The following MAGI1 variants were observed in gnomAD, a reference collection of about 807,000 sequenced individuals.
MAGI1 encodes membrane-associated guanylate kinase, WW and PDZ domain-containing protein 1.
A neutral mutation model predicts 139.9 loss-of-function variants in MAGI1; 58 were observed. The ratio of observed to expected loss-of-function variants is 0.41; its 90% CI spans 0.34 to 0.52. The LOEUF (loss-of-function observed/expected upper bound fraction) is 0.52. MAGI1 is among the 20% of genes least tolerant of loss of function. MAGI1 has a pLI of 0.12. For missense variants in MAGI1, 1,874 were observed against 1,901.6 expected, an observed-to-expected ratio of 0.99 and a Z score of 0.27; for synonymous variants, 812 against 737.9, an observed-to-expected ratio of 1.10 and a Z score of -1.63.
At chr3:65,696,761 G>A (rs113615950) in intron 1 of MAGI1, among the ~76,000 whole-genome samples, 24 of 152,164 alleles carry the variant, frequency 1.6e-4, no homozygotes, top group Admixed American at 2.6e-4. Context: ...AAAGAAACAA[G>A]AATAGGGGAA....
At chr3:65,645,381 G>A (rs1053425969) in intron 1 of MAGI1, among the ~76,000 whole-genome samples, 2 of 152,060 alleles carry the variant, frequency 1.3e-5, no homozygotes, top group Non-Finnish European at 2.9e-5. Flanking sequence ...TAATAGAAAA[G>A]GGTACAACAT....
At chr3:65,640,101 C>G (rs895760412) in intron 1 of MAGI1, among the ~76,000 whole-genome samples, 1 of 152,068 alleles carries the variant, frequency 6.6e-6, no homozygotes, top group African/African-American at 2.4e-5. Context: ...GGTCCACCAG[C>G]CTTCAAACTG....
chr3:65,580,462 A>G (rs1172934818), intron 2 of MAGI1, among the ~76,000 whole-genome samples: 1 of 152,184 alleles, frequency 6.6e-6, no homozygotes, highest in Non-Finnish European at 1.5e-5. Flanking sequence ...AAAGTCAAAC[A>G]CCAAAAGTTC....
intron 1 of MAGI1, among the ~76,000 whole-genome samples, chr3:65,791,082 C>T (rs904746456): frequency 1.3e-5 from 2 of 152,068 alleles, no homozygotes; most frequent in South Asian, 2.1e-4. Flanking sequence ...AAAAAAAAAC[C>T]TTAAAATAAA....
chr3:65,978,302 A>T (rs2065366429), intron 1 of MAGI1, among the ~76,000 whole-genome samples: 1 of 152,204 alleles, frequency 6.6e-6, no homozygotes, highest in African/African-American at 2.4e-5. Context: ...TAAATGGTAA[A>T]GCTGGGATCC....
intron 1 of MAGI1, among the ~76,000 whole-genome samples, chr3:65,942,838 G>C (rs1214153842): frequency 6.6e-6 from 1 of 151,578 alleles, no homozygotes; most frequent in African/African-American, 2.4e-5. Context: ...CTGGCCAATA[G>C]GGTGAAACCC....
intron 1 of MAGI1, among the ~76,000 whole-genome samples, chr3:65,849,404 A>T (rs1329085612): frequency 6.6e-6 from 1 of 151,504 alleles, no homozygotes; most frequent in Non-Finnish European, 1.5e-5. Flanking sequence ...AGTGATGAGC[A>T]CAGTCCATCT....
chr3:65,973,720 T>A (rs2065117701), intron 1 of MAGI1, among the ~76,000 whole-genome samples: 1 of 152,230 alleles, frequency 6.6e-6, no homozygotes. Context: ...TACAATTCCT[T>A]GTGAGGATTA....
At chr3:65,447,853 C>T (rs1283565885) in intron 7 of MAGI1, among the ~76,000 whole-genome samples, 169 bp downstream of exon 7, 1 of 152,064 alleles carries the variant, frequency 6.6e-6, no homozygotes, top group Non-Finnish European at 1.5e-5. Context: ...TGCCTGCAGG[C>T]AGACACGCAG....
At chr3:66,013,748 G>A (rs1447911618) in intron 1 of MAGI1, among the ~76,000 whole-genome samples, 35 of 146,548 alleles carry the variant, frequency 2.4e-4, no homozygotes, top group Non-Finnish European at 4.5e-4. Context: ...GCAACAGAGT[G>A]AGACTCTGTC....
rs776992424 is a variant in MAGI1 at position 65,792,667 on chromosome 3, A to G, written c.314-170579T>C. On this transcript the variant is annotated intron_variant, in intron 1 of 22. Coordinates refer to ENST00000402939, the MANE Select transcript of MAGI1 (RefSeq NM_001033057.2). ...TCAGCTACTAAGTGGCTAACAGGGAAGTGGCGTATACAGCATGGGTCCGAT... is the reference window on the plus strand; with the variant it reads ...TCAGCTACTAAGTGGCTAACAGGGAGGTGGCGTATACAGCATGGGTCCGAT... Among the ~76,000 whole-genome samples, 8 of 152,116 alleles carry G rather than the reference A, an allele frequency of 5.3e-5. No homozygotes were observed. In the East Asian group the frequency reaches 5.8e-4, roughly 11 times the overall value.
intron 2 of MAGI1, among the ~76,000 whole-genome samples, chr3:65,515,909 T>A (rs916707691): frequency 5.3e-5 from 8 of 152,214 alleles, no homozygotes; most frequent in Non-Finnish European, 1.2e-4. Flanking sequence ...TGAGAACACA[T>A]CATAAAGTTT....
At chr3:65,739,561 C>T (rs566271284) in intron 1 of MAGI1, among the ~76,000 whole-genome samples, 3 of 152,302 alleles carry the variant, frequency 2.0e-5, no homozygotes, top group African/African-American at 7.2e-5. Flanking sequence ...ACATGCCTTC[C>T]TCATTCAGCT....
At chr3:65,504,149 T>C (rs997600041) in intron 2 of MAGI1, among the ~76,000 whole-genome samples, 2 of 152,224 alleles carry the variant, frequency 1.3e-5, no homozygotes, top group Non-Finnish European at 2.9e-5. Context: ...ACTAAATTAA[T>C]TATGTGACTA....
chr3:65,549,767 G>GGGTA (rs1387314993), intron 2 of MAGI1, among the ~76,000 whole-genome samples: 2 of 152,012 alleles, frequency 1.3e-5, no homozygotes, highest in African/African-American at 2.4e-5. Flanking sequence ...TTCTGGCCCT[G>GGGTA]GGTAGCCAGG....
chr3:65,737,716 C>T (rs1398934772), intron 1 of MAGI1, among the ~76,000 whole-genome samples: 1 of 152,086 alleles, frequency 6.6e-6, no homozygotes, highest in East Asian at 1.9e-4. Flanking sequence ...AGGCTAATCA[C>T]GTCAAATTAC....
intron 12 of MAGI1, among the ~76,000 whole-genome samples, chr3:65,420,940 C>A (rs1341041876): frequency 6.6e-6 from 1 of 152,132 alleles, no homozygotes; most frequent in African/African-American, 2.4e-5. Context: ...AAACTCAAAT[C>A]ATCCAATAAA....
At chr3:66,037,102 G>A (rs1470711521) in intron 1 of MAGI1, among the ~76,000 whole-genome samples, 2 of 152,176 alleles carry the variant, frequency 1.3e-5, no homozygotes, top group South Asian at 2.1e-4. Flanking sequence ...TCAAACCCTC[G>A]CTTTTGGCAA....
chr3:65,902,673 G>A lies in MAGI1; in HGVS notation c.313+135323C>T, dbSNP rs563299640. The A allele has an allele frequency of 3.3e-5, 5 of 152,676 alleles. No homozygotes were observed. The South Asian group carries it at 8.3e-4, about 25-fold the overall frequency. The allele number at this position is 152,676 out of a possible 1,614,324, so 9.5% of individuals were successfully genotyped here. On this transcript the variant is annotated intron_variant, in intron 1 of 22. Transcript: ENST00000402939. ...CAGGGCTCTTCCTGCAACTCTGAAC[G>A]GGGCGGATCCTGCCAAGTCTCTGCT...
Sources: gnomAD v4.1 joint callset for allele counts (sites outside exome capture counted in the v4.1 genomes callset) on GRCh38, gnomAD v4.1.1 for gene constraint, MANE v1.5 for transcripts, NCBI Gene and HGNC (gene_info 2026-07-23, HGNC 2026-07-21) for gene names.